The following AQR variants were observed in gnomAD, a reference collection of about 807,000 sequenced individuals.
The protein encoded by AQR is RNA helicase aquarius.
A neutral mutation model predicts 180.5 loss-of-function variants in AQR; 61 were observed. The ratio of observed to expected loss-of-function variants is 0.34; its 90% CI spans 0.28 to 0.42. The LOEUF is 0.42. Among genes scored for constraint, AQR ranks in the 10% least tolerant of loss-of-function variants. AQR has a pLI of 1.00. For missense variants in AQR, 1,281 were observed against 1,798.3 expected (o/e 0.71, Z 5.20); for synonymous variants, 551 against 588.8 (o/e 0.94, Z 0.93).
intron 16 of AQR, among the ~76,000 whole-genome samples, chr15:34,914,796 C>T (rs1893556622): frequency 6.6e-6 from 1 of 152,176 alleles, no homozygotes; most frequent in Non-Finnish European, 1.5e-5. Context: ...ATGACGACTT[C>T]TTCTCCCTTA....
chr15:34,917,622 T>C (rs1175031094), intron 15 of AQR, among the ~76,000 whole-genome samples: 1 of 152,146 alleles, frequency 6.6e-6, no homozygotes, highest in Admixed American at 6.5e-5. Flanking sequence ...ACAAAAGCTC[T>C]ATCAAACACA....
chr15:34,942,014 G>A lies in AQR; in HGVS notation c.538C>T (p.Leu180=). The A allele has an allele frequency of 1.9e-6, 3 of 1,610,236 alleles. No individual in the cohort carries two copies. The highest frequency in any genetic ancestry group is 2.5e-6 in the Non-Finnish European group (3 of 1,177,396). The change falls in exon 7 of 35, where the codon CTG becomes TTG. Residue 180 remains leucine (L), a splice_region_variant and synonymous_variant. Transcript: ENST00000156471. The part of the protein sequence containing the change: ...ISLPMWMGLQ[L]ARLELELKKT... ...AGACTCTGAAATTAGAGACTTACCA[G>A]CTGTAAGCCCATCCACATTGGGAGG...
intron 20 of AQR, among the ~76,000 whole-genome samples, chr15:34,898,163 A>T (rs1229820259): frequency 6.6e-6 from 1 of 152,202 alleles, no homozygotes; most frequent in Admixed American, 6.5e-5. Context: ...GTAGAGAAAA[A>T]TAAGGCTGAA....
rs1391370175 is a variant in AQR at position 34,856,236 on chromosome 15, A to ATT, written c.*554_*555dup. ...CAAGAATAAACAGACATCTTAGGTG[A>ATT]TTCTAAGGCATTCTAAGATTTGAGA... is the stretch of plus-strand genomic sequence containing the variant. On this transcript the variant is annotated 3_prime_UTR_variant, in exon 35 of 35. Transcript: ENST00000156471. 5 of 246,432 alleles carry ATT rather than the reference A, an allele frequency of 2.0e-5. No individual in the cohort carries two copies. The highest frequency in any genetic ancestry group is 3.1e-5 in the Non-Finnish European group (4 of 130,918). The allele number at this position is 246,432 out of a possible 1,614,324, so 15.3% of individuals were successfully genotyped here.
chr15:34,947,163 C>T (rs1344410159), intron 5 of AQR, among the ~76,000 whole-genome samples: 1 of 147,134 alleles, frequency 6.8e-6, no homozygotes. Flanking sequence ...TTGTTCTGTA[C>T]TAAGAAAAAT....
chr15:34,951,175 C>T (rs1157801906), intron 4 of AQR, among the ~76,000 whole-genome samples: 2 of 152,134 alleles, frequency 1.3e-5, no homozygotes, highest in Non-Finnish European at 2.9e-5. Flanking sequence ...TCCATGGAAA[C>T]CCTTTTCTCA....
chr15:34,932,530 T>C (rs976180295), intron 10 of AQR, 96 bp from the exon 11 acceptor site: 5 of 877,734 alleles, frequency 5.7e-6, no homozygotes, highest in African/African-American at 3.4e-5. Context: ...ATTAATCACA[T>C]ACAAGGTACC....
chr15:34,963,661 C>CTTTTTTTTTCTT (rs1566793151), intron 2 of AQR, among the ~76,000 whole-genome samples: 12 of 148,666 alleles, frequency 8.1e-5, no homozygotes, highest in African/African-American at 3.0e-4. Context: ...TACACGTACA[C>CTTTTTTTTTCTT]TTTTTTTTTT....
chr15:34,897,320 T>G (rs1025857367), intron 21 of AQR, among the ~76,000 whole-genome samples: 1 of 152,172 alleles, frequency 6.6e-6, no homozygotes, highest in African/African-American at 2.4e-5. Context: ...CAAATTAAGG[T>G]AGACCTCTAA....
chr15:34,941,381 C>T (rs1049618394), intron 7 of AQR, among the ~76,000 whole-genome samples: 3 of 152,170 alleles, frequency 2.0e-5, no homozygotes, highest in Non-Finnish European at 4.4e-5. Context: ...GAAATGTCCA[C>T]ATCAGCATAT....
At chr15:34,916,898 A>AAC (rs1893601372) in intron 15 of AQR, among the ~76,000 whole-genome samples, 1 of 121,266 alleles carries the variant, frequency 8.2e-6, no homozygotes, top group South Asian at 2.5e-4. Flanking sequence ...AAAAAAAAAA[A>AAC]AAAGAAAGAA....
chr15:34,930,590 T>C (rs1009218010), intron 11 of AQR, among the ~76,000 whole-genome samples: 3 of 152,202 alleles, frequency 2.0e-5, no homozygotes, highest in Admixed American at 6.5e-5. Context: ...CTATTTCATA[T>C]ACATGGTCTA....
intron 13 of AQR, among the ~76,000 whole-genome samples, chr15:34,923,090 T>TGA (rs1893706266): frequency 6.6e-6 from 1 of 152,196 alleles, no homozygotes; most frequent in Non-Finnish European, 1.5e-5. Context: ...TAAGATATCT[T>TGA]GAGAGAGAGA....
chr15:34,885,382 C>T (rs1489271619), intron 25 of AQR, among the ~76,000 whole-genome samples: 1 of 152,124 alleles, frequency 6.6e-6, no homozygotes, highest in Non-Finnish European at 1.5e-5. Flanking sequence ...CTCAGTGTTT[C>T]TCAAAAGTGT....
At position 34,897,656 on chromosome 15, in the gene AQR, C is replaced by A; in HGVS notation, c.2293G>T (p.Asp765Tyr). 6.2e-7 allele frequency: 1 copy of A among 1,614,088 alleles called. No homozygotes were observed. Among genetic ancestry groups the A allele is most frequent in the East Asian group, 2.2e-5 (1 of 44,864 alleles). ...SGKGKKRKDA[D>Y]VEDEDTEEAK... ...TCCTCGGTGTCTTCATCTTCCACAT[C>A]CGCATCTTTCCTTTTCTTCCCTTTT... Residue 765 changes from aspartate to tyrosine, a missense_variant, in exon 21 of 35, where the codon GAT (aspartate) becomes TAT (tyrosine). Transcript: ENST00000156471.
chr15:34,861,108 T>TA (rs1892665238), intron 33 of AQR, among the ~76,000 whole-genome samples: 2 of 152,176 alleles, frequency 1.3e-5, no homozygotes, highest in Non-Finnish European at 2.9e-5. Flanking sequence ...ATCATTAAGG[T>TA]AAAAAACATA....
At chr15:34,863,976 A>C (rs1892707644) in intron 32 of AQR, among the ~76,000 whole-genome samples, 1 of 152,152 alleles carries the variant, frequency 6.6e-6, no homozygotes, top group Non-Finnish European at 1.5e-5. Context: ...AAGAATAATA[A>C]AGCCTGGGAG....
intron 4 of AQR, among the ~76,000 whole-genome samples, chr15:34,951,871 G>A (rs750312793): frequency 2.0e-5 from 3 of 152,078 alleles, no homozygotes; most frequent in Non-Finnish European, 4.4e-5. Context: ...ATCTCAGGGC[G>A]AGATGGGTCC....
intron 12 of AQR, among the ~76,000 whole-genome samples, chr15:34,929,502 T>C (rs1018320501): frequency 3.9e-5 from 6 of 152,198 alleles, no homozygotes; most frequent in East Asian, 1.9e-4. Flanking sequence ...TGGTTGCAGA[T>C]GTGTGGTGTT....
Sources: gnomAD v4.1 joint callset for allele counts (sites outside exome capture counted in the v4.1 genomes callset) on GRCh38, gnomAD v4.1.1 for gene constraint, MANE v1.5 for transcripts, NCBI Gene and HGNC (gene_info 2026-07-23, HGNC 2026-07-21) for gene names.